Variants in RBFOX1 observed in about 807,000 individuals in gnomAD.
RBFOX1 encodes the protein RNA binding fox-1 homolog 1.
Under a neutral mutation model 57.7 loss-of-function variants are expected in RBFOX1, and 8 were observed. The observed-to-expected ratio is 0.14, with a 90% CI of 0.08 to 0.25. The LOEUF (loss-of-function observed/expected upper bound fraction) is 0.25. Ranked by LOEUF, RBFOX1 falls within the 10% of genes least tolerant of loss-of-function variation. The pLI is 1.00. For synonymous variants in RBFOX1, 326 were observed against 222.4 expected, an observed-to-expected ratio of 1.47 and a Z score of -4.15; for missense variants, 611 against 548.5, an observed-to-expected ratio of 1.11 and a Z score of -1.14.
intron 4 of RBFOX1, among the ~76,000 whole-genome samples, chr16:7,281,456 C>T (rs753947369): frequency 1.3e-5 from 2 of 152,070 alleles, no homozygotes; most frequent in Non-Finnish European, 2.9e-5. Flanking sequence ...CTATAAAACA[C>T]AGATAGTTCT....
chr16:6,678,982 T>C (rs2058201211), intron 3 of RBFOX1, among the ~76,000 whole-genome samples: 1 of 152,160 alleles, frequency 6.6e-6, no homozygotes, highest in Admixed American at 6.5e-5. Flanking sequence ...CTAATTTCTT[T>C]CTCAAATCCA....
chr16:6,282,020 A>T (rs1599148427), intron 1 of RBFOX1, among the ~76,000 whole-genome samples: 1 of 152,168 alleles, frequency 6.6e-6, no homozygotes, highest in African/African-American at 2.4e-5. Context: ...ACCACTCTAT[A>T]GAGTGGTATC....
chr16:7,060,564 C>A (rs928625267), intron 4 of RBFOX1, among the ~76,000 whole-genome samples: 1 of 152,136 alleles, frequency 6.6e-6, no homozygotes, highest in African/African-American at 2.4e-5. Context: ...AGAATAGCTA[C>A]AATTAGGGCT....
intron 3 of RBFOX1, among the ~76,000 whole-genome samples, chr16:6,819,185 C>A (rs1054345363): frequency 6.6e-6 from 1 of 152,150 alleles, no homozygotes; most frequent in Admixed American, 6.5e-5. Context: ...CTGGAGTGTC[C>A]TAACATTCTG....
intron 14 of RBFOX1, among the ~76,000 whole-genome samples, chr16:7,688,264 A>T (rs113143855): frequency 0.073 from 9,898 of 136,064 alleles, 394 homozygotes; most frequent in Non-Finnish European, 0.094. Context: ...TGTGTGTGAG[A>T]GAGAGAGAGA....
intron 1 of RBFOX1, among the ~76,000 whole-genome samples, chr16:6,221,768 T>A (rs1356288750): frequency 2.0e-5 from 3 of 152,064 alleles, no homozygotes; most frequent in Non-Finnish European, 2.9e-5. Context: ...GCAGAGGAAC[T>A]CCCATCTATA....
chr16:6,412,056 C>A (rs1284385237), intron 2 of RBFOX1, among the ~76,000 whole-genome samples: 1 of 151,402 alleles, frequency 6.6e-6, no homozygotes, highest in African/African-American at 2.4e-5. Flanking sequence ...TGCTTGAAAC[C>A]CGGGAGGCAG....
intron 3 of RBFOX1, among the ~76,000 whole-genome samples, chr16:5,707,473 C>T (rs947674486): frequency 2.0e-5 from 3 of 152,188 alleles, no homozygotes; most frequent in Non-Finnish European, 1.5e-5. Flanking sequence ...TTAGTAACCA[C>T]TAAAGATGCC....
At chr16:7,362,432 G>C (rs764441440) in intron 4 of RBFOX1, among the ~76,000 whole-genome samples, 9 of 151,542 alleles carry the variant, frequency 5.9e-5, no homozygotes, top group Non-Finnish European at 1.3e-4. Flanking sequence ...GCGTTAGTGT[G>C]TGTTCTGCGT....
At chr16:6,847,354 A>G (rs1444640741) in intron 3 of RBFOX1, among the ~76,000 whole-genome samples, 2 of 152,100 alleles carry the variant, frequency 1.3e-5, no homozygotes, top group African/African-American at 4.8e-5. Flanking sequence ...CACAACTGCA[A>G]GGGGGTCTTC....
chr16:6,970,306 A>C (rs1007762600), intron 3 of RBFOX1, among the ~76,000 whole-genome samples: 1 of 152,132 alleles, frequency 6.6e-6, no homozygotes, highest in African/African-American at 2.4e-5. Flanking sequence ...CACCTAGACT[A>C]TTTCTGTCCT....
intron 4 of RBFOX1, among the ~76,000 whole-genome samples, chr16:7,341,736 T>TTCCC (rs1166119622): frequency 1.1e-4 from 8 of 71,964 alleles, no homozygotes; most frequent in East Asian, 5.0e-4. Context: ...CCCTCCCTCC[T>TTCCC]TCCCTCCCTC....
rs1432391371 is a variant in RBFOX1 at position 5,793,013 on chromosome 16, A to G, written c.319-74290A>G. On this transcript the variant is annotated intron_variant, in intron 3 of 19. Coordinates refer to the RBFOX1 transcript ENST00000641259. ...GAGTGGAGGAAGTGGAAGAAAATCTACATAGAAATGAACCCCTGCAGTTCA... is the reference window on the plus strand; with the variant it reads ...GAGTGGAGGAAGTGGAAGAAAATCTGCATAGAAATGAACCCCTGCAGTTCA... 2.0e-5 allele frequency among the ~76,000 whole-genome samples: 3 copies of G among 152,214 alleles called. No individual in the cohort carries two copies. The East Asian group carries it at 5.8e-4, about 29-fold the overall frequency.
At chr16:5,362,150 T>A (rs2065569701) in intron 1 of RBFOX1, among the ~76,000 whole-genome samples, 1 of 152,242 alleles carries the variant, frequency 6.6e-6, no homozygotes, top group African/African-American at 2.4e-5. Flanking sequence ...ACAGGCATAA[T>A]ATTGTGCAGC....
At chr16:7,212,430 A>G (rs564948465) in intron 4 of RBFOX1, among the ~76,000 whole-genome samples, 1 of 152,138 alleles carries the variant, frequency 6.6e-6, no homozygotes, top group Non-Finnish European at 1.5e-5. Context: ...ACTATTTTAA[A>G]TGAATAGGCA....
chr16:5,800,681 G>A (rs2055027976), intron 3 of RBFOX1, among the ~76,000 whole-genome samples: 1 of 152,118 alleles, frequency 6.6e-6, no homozygotes, highest in Admixed American at 6.6e-5. Context: ...ATTGGAGGAG[G>A]AATAAAGTGT....
intron 3 of RBFOX1, among the ~76,000 whole-genome samples, chr16:6,961,379 C>T (rs1427225673): frequency 6.6e-6 from 1 of 152,116 alleles, no homozygotes; most frequent in Non-Finnish European, 1.5e-5. Flanking sequence ...AGTAATTTCC[C>T]AGCGCTGCTA....
At chr16:6,772,128 C>A (rs1215949271) in intron 3 of RBFOX1, among the ~76,000 whole-genome samples, 1 of 152,094 alleles carries the variant, frequency 6.6e-6, no homozygotes, top group African/African-American at 2.4e-5. Context: ...CTGTTAACTT[C>A]CCCCAAGTTT....
intron 1 of RBFOX1, among the ~76,000 whole-genome samples, chr16:6,258,437 TG>T (rs1454881790): frequency 5.3e-5 from 8 of 152,238 alleles, no homozygotes. Flanking sequence ...TGCCCGTGTG[TG>T]CACATGAGCA....
Sources: allele counts gnomAD v4.1 joint callset (sites outside exome capture counted in the v4.1 genomes callset), GRCh38; gene constraint gnomAD v4.1.1; transcripts MANE v1.5; gene names NCBI Gene and HGNC (gene_info 2026-07-23, HGNC 2026-07-21).